Variants in STK3 observed in about 807,000 individuals in gnomAD.
The protein encoded by STK3 is serine/threonine-protein kinase 3.
A neutral mutation model predicts 58.0 loss-of-function variants in STK3; 41 were observed. That is an observed-to-expected ratio of 0.71 (90% CI 0.55 to 0.92). The LOEUF (loss-of-function observed/expected upper bound fraction) is 0.92. Ranked by LOEUF, STK3 falls within the 40% of genes least tolerant of loss-of-function variation. The pLI, the probability that STK3 is intolerant of heterozygous loss-of-function variation, is 0.00. For missense variants in STK3, 479 were observed against 602.7 expected (o/e 0.79, Z 2.15); for synonymous variants, 170 against 191.0 (o/e 0.89, Z 0.91).
intron 10 of STK3, among the ~76,000 whole-genome samples, chr8:98,516,446 T>C (rs2131430340): frequency 6.6e-6 from 1 of 152,208 alleles, no homozygotes; most frequent in South Asian, 2.1e-4. Context: ...TCTTCAGTTA[T>C]TTGAAGAATA....
At chr8:98,655,948 A>G (rs1328836416) in intron 6 of STK3, among the ~76,000 whole-genome samples, 1 of 152,230 alleles carries the variant, frequency 6.6e-6, no homozygotes. Context: ...GGGATCTAGA[A>G]CTAGAAATAC....
chr8:98,832,082 A>G (rs1246927002), intron 3 of STK3, among the ~76,000 whole-genome samples: 13 of 151,978 alleles, frequency 8.6e-5, no homozygotes, highest in Admixed American at 8.5e-4. Flanking sequence ...TGGAGTGGAG[A>G]GCTTTATTTG....
the STK3 span, among the ~76,000 whole-genome samples, chr8:98,349,666 A>G: frequency 6.6e-6 from 1 of 152,230 alleles, no homozygotes; most frequent in Non-Finnish European, 1.5e-5. Context: ...ATGCTCTGAA[A>G]TCTAGGCTGA....
At chr8:98,589,915 C>G (rs575020484) in intron 7 of STK3, among the ~76,000 whole-genome samples, 1 of 152,384 alleles carries the variant, frequency 6.6e-6, no homozygotes, top group East Asian at 1.9e-4. Context: ...CCCCTGACCC[C>G]TTGCACTTCC....
At chr8:98,442,043 C>T (rs1051909546) in intron 1 of STK3, among the ~76,000 whole-genome samples, 27 of 152,220 alleles carry the variant, frequency 1.8e-4, no homozygotes, top group African/African-American at 5.5e-4. Context: ...TTCCAATAAA[C>T]GGCATCACTG....
At chr8:98,583,619 G>A (rs921214503) in intron 7 of STK3, among the ~76,000 whole-genome samples, 7 of 152,236 alleles carry the variant, frequency 4.6e-5, no homozygotes, top group African/African-American at 1.7e-4. Flanking sequence ...TTGATAAACA[G>A]TTACATGGTA....
intron 6 of STK3, among the ~76,000 whole-genome samples, chr8:98,641,786 ATG>A (rs1301594313): frequency 6.6e-6 from 1 of 152,218 alleles, no homozygotes; most frequent in Non-Finnish European, 1.5e-5. Flanking sequence ...CTCTGTGCAG[ATG>A]TTACTGAGTA....
At chr8:98,506,889 C>G (rs72666625) in intron 10 of STK3, among the ~76,000 whole-genome samples, 1 of 152,134 alleles carries the variant, frequency 6.6e-6, no homozygotes, top group African/African-American at 2.4e-5. Flanking sequence ...AGGTGTGGCC[C>G]TGCTACAACT....
At chr8:98,627,258 A>T (rs949965877) in intron 6 of STK3, among the ~76,000 whole-genome samples, 2 of 152,124 alleles carry the variant, frequency 1.3e-5, no homozygotes, top group African/African-American at 4.8e-5. Flanking sequence ...ACATGCCTAT[A>T]ATCCCAGCAC....
chr8:98,857,572 TGTTTA>T (rs1460249148), intron 3 of STK3, among the ~76,000 whole-genome samples: 1 of 150,134 alleles, frequency 6.7e-6, no homozygotes, highest in East Asian at 1.9e-4. Flanking sequence ...ATTTGCTCAT[TGTTTA>T]GAGAAGTATG....
chr8:98,465,913 C>T (rs1233324054), intron 10 of STK3, among the ~76,000 whole-genome samples: 1 of 152,152 alleles, frequency 6.6e-6, no homozygotes, highest in Non-Finnish European at 1.5e-5. Context: ...AGTAGCTTTG[C>T]TTATTAAAAA....
chr8:98,524,414 A>T (rs1042230378), intron 10 of STK3, among the ~76,000 whole-genome samples: 36 of 152,230 alleles, frequency 2.4e-4, no homozygotes, highest in African/African-American at 8.0e-4. Context: ...TTTGACAGAG[A>T]TGACAATGAC....
At chr8:98,861,552 T>C (rs992784624) in intron 3 of STK3, among the ~76,000 whole-genome samples, 2 of 151,842 alleles carry the variant, frequency 1.3e-5, no homozygotes, top group Admixed American at 1.3e-4. Context: ...TTCACAGTGT[T>C]GCCCAGGCTG....
chr8:98,773,418 C>T (rs1447577514), intron 2 of STK3, among the ~76,000 whole-genome samples: 3 of 151,902 alleles, frequency 2.0e-5, no homozygotes, highest in Non-Finnish European at 4.4e-5. Flanking sequence ...GCTACTATTA[C>T]TTTCTGTTTT....
At chr8:98,422,681 G>A (rs1023604044) in intron 3 of STK3, among the ~76,000 whole-genome samples, 2 of 152,152 alleles carry the variant, frequency 1.3e-5, no homozygotes, top group Non-Finnish European at 2.9e-5. Flanking sequence ...TGCTCCCACC[G>A]CAGGCAGGCC....
chr8:98,765,794 G>T (rs1332991847), intron 3 of STK3, among the ~76,000 whole-genome samples: 2 of 152,138 alleles, frequency 1.3e-5, no homozygotes, highest in Non-Finnish European at 2.9e-5. Flanking sequence ...TTTTGTTAAG[G>T]GAGAATAATA....
At chr8:98,759,349 G>C (rs145095907) in intron 3 of STK3, among the ~76,000 whole-genome samples, 1 of 140,822 alleles carries the variant, frequency 7.1e-6, no homozygotes, top group East Asian at 2.4e-4. Flanking sequence ...GAAAGGAAGG[G>C]AGATGGGGCC....
chr8:98,431,273 C>A (rs1563601166), intron 3 of STK3: 1 of 167,036 alleles, frequency 6.0e-6, no homozygotes, highest in Non-Finnish European at 1.5e-5. Flanking sequence ...TGTCCTGGAG[C>A]CCCCAGTTCA....
chr8:98,647,437 T>C lies in STK3; in HGVS notation c.685-51268A>G, dbSNP rs568557082. Among the ~76,000 whole-genome samples the C allele has an allele frequency of 5.3e-5, 8 of 152,328 alleles. No homozygotes were observed. In the East Asian group the frequency reaches 1.2e-3, roughly 22 times the overall value. ...CCTCCTTCTAGGATGTAATCTCTGA[T>C]ATATCCCAAATGCCTAGAAAGGTAT... On this transcript the variant is annotated intron_variant, in intron 6 of 10. Transcript: ENST00000419617.
Sources: allele counts gnomAD v4.1 joint callset (sites outside exome capture counted in the v4.1 genomes callset), GRCh38; gene constraint gnomAD v4.1.1; transcripts MANE v1.5; gene names NCBI Gene and HGNC (gene_info 2026-07-23, HGNC 2026-07-21).